The following KANK4 variants were observed in gnomAD, a reference collection of about 807,000 sequenced individuals.
KANK4 encodes KN motif and ankyrin repeat domain-containing protein 4.
A neutral mutation model predicts 80.8 loss-of-function variants in KANK4; 50 were observed. The ratio of observed to expected loss-of-function variants is 0.62; its 90% CI spans 0.49 to 0.78. The LOEUF (loss-of-function observed/expected upper bound fraction) is 0.78, where lower values mean the gene tolerates loss of function less well. Among genes scored for constraint, KANK4 ranks in the 30% least tolerant of loss-of-function variants. KANK4 has a pLI of 0.00. For missense variants in KANK4, 1,196 were observed against 1,240.1 expected (o/e 0.96, Z 0.53); for synonymous variants, 465 against 506.9 (o/e 0.92, Z 1.11).
chr1:62,262,707 T>C (rs952967919), intron 7 of KANK4, among the ~76,000 whole-genome samples: 16 of 152,190 alleles, frequency 1.1e-4, no homozygotes, highest in African/African-American at 3.6e-4. Context: ...ACAATGTCTT[T>C]TGCAGCAACT....
chr1:62,250,989 T>C (rs898937379), intron 8 of KANK4, among the ~76,000 whole-genome samples: 1 of 152,232 alleles, frequency 6.6e-6, no homozygotes, highest in Non-Finnish European at 1.5e-5. Flanking sequence ...AGTCTCTTGC[T>C]TTTTTGCACA....
At position 62,238,142 on chromosome 1, in the gene KANK4, T is replaced by A; in HGVS notation, c.*135A>T. ...AATGAGCAGAATTATACAACAGGAATGTATGTGCATATTTGACATAGTTTC... is the reference window on the plus strand; with the variant it reads ...AATGAGCAGAATTATACAACAGGAAAGTATGTGCATATTTGACATAGTTTC... On this transcript the variant is annotated 3_prime_UTR_variant, in exon 10 of 10. Transcript: ENST00000371153. The A allele has an allele frequency of 1.6e-6, 1 of 608,472 alleles. No homozygotes were observed. Among genetic ancestry groups the A allele is most frequent in the Non-Finnish European group, 2.9e-6 (1 of 340,020 alleles). The allele number at this position is 608,472 out of a possible 1,614,324, so 37.7% of individuals were successfully genotyped here. A position where few individuals can be genotyped will look rare whatever the true frequency, so the allele number is the denominator to read the frequency against.
chr1:62,281,307 G>T (rs1281604279), intron 2 of KANK4, among the ~76,000 whole-genome samples: 2 of 152,200 alleles, frequency 1.3e-5, no homozygotes, highest in South Asian at 2.1e-4. Context: ...GAGGATCAAA[G>T]ACATTAAATG....
chr1:62,269,413 C>T (rs956490785), intron 4 of KANK4, among the ~76,000 whole-genome samples: 2 of 152,164 alleles, frequency 1.3e-5, no homozygotes, highest in East Asian at 1.9e-4. Context: ...TCTACATAAG[C>T]CCCTGTGCTC....
chr1:62,243,763 T>C (rs1029658878), intron 9 of KANK4, among the ~76,000 whole-genome samples: 7 of 152,126 alleles, frequency 4.6e-5, no homozygotes, highest in African/African-American at 1.7e-4. Context: ...TCCCCAGACA[T>C]TGCCAAATCT....
At chr1:62,244,584 C>T (rs1037614602) in intron 9 of KANK4, among the ~76,000 whole-genome samples, 1 of 152,144 alleles carries the variant, frequency 6.6e-6, no homozygotes, top group Non-Finnish European at 1.5e-5. Context: ...TCTTTGCTTG[C>T]TGCTATCCAT....
chr1:62,275,931 G>C (rs1404418093), intron 2 of KANK4, among the ~76,000 whole-genome samples: 1 of 151,228 alleles, frequency 6.6e-6, no homozygotes, highest in Non-Finnish European at 1.5e-5. Flanking sequence ...GAAAGGAAAG[G>C]AAGGGAAGGA....
At chr1:62,249,072 G>T (rs551121195) in intron 8 of KANK4, among the ~76,000 whole-genome samples, 1 of 149,236 alleles carries the variant, frequency 6.7e-6, no homozygotes, top group Admixed American at 6.7e-5. Context: ...GGCTGAGGCA[G>T]GAGAATCACT....
intron 8 of KANK4, among the ~76,000 whole-genome samples, chr1:62,251,898 G>A (rs950674234): frequency 3.3e-5 from 5 of 151,758 alleles, no homozygotes; most frequent in Admixed American, 6.6e-5. Context: ...AGGCTGAGGC[G>A]GAAGAATCGC....
At chr1:62,265,343 C>T (rs1056968514) in intron 6 of KANK4, among the ~76,000 whole-genome samples, 3 of 151,878 alleles carry the variant, frequency 2.0e-5, no homozygotes, top group South Asian at 2.1e-4. Flanking sequence ...GGGGCTCAGG[C>T]GATTCTCCCA....
At chr1:62,278,677 G>A (rs1168880560) in intron 2 of KANK4, among the ~76,000 whole-genome samples, 1 of 151,978 alleles carries the variant, frequency 6.6e-6, no homozygotes. Flanking sequence ...TTACAGGCAT[G>A]AGCCACCACG....
chr1:62,264,637 T>C (rs890381766), intron 6 of KANK4, among the ~76,000 whole-genome samples: 1 of 152,118 alleles, frequency 6.6e-6, no homozygotes, highest in Non-Finnish European at 1.5e-5. Flanking sequence ...GATCCTAACA[T>C]GGGTGTGGTG....
intron 1 of KANK4, among the ~76,000 whole-genome samples, chr1:62,284,070 G>C (rs1013567988): frequency 6.6e-6 from 1 of 152,096 alleles, no homozygotes; most frequent in African/African-American, 2.4e-5. Context: ...CAGGAAGGAA[G>C]GAAGGAGGGA....
intron 1 of KANK4, among the ~76,000 whole-genome samples, chr1:62,293,276 G>A (rs1316075687): frequency 2.0e-5 from 3 of 151,120 alleles, no homozygotes; most frequent in Non-Finnish European, 4.4e-5. Flanking sequence ...TGTATTTTTA[G>A]TAGAGATGGG....
At chr1:62,278,943 G>A (rs746254553) in intron 2 of KANK4, among the ~76,000 whole-genome samples, 20 of 152,084 alleles carry the variant, frequency 1.3e-4, no homozygotes, top group Non-Finnish European at 2.1e-4. Flanking sequence ...GACCTAGAAG[G>A]CAAAGAGCTC....
intron 1 of KANK4, among the ~76,000 whole-genome samples, chr1:62,315,452 T>C (rs1644531151): frequency 6.6e-6 from 1 of 152,122 alleles, no homozygotes; most frequent in Non-Finnish European, 1.5e-5. Flanking sequence ...AGGATAAGGG[T>C]GAGGCTTGAC....
At chr1:62,247,731 T>G (rs1671506697) in intron 8 of KANK4, 59 bp from the exon 9 acceptor site, 1 of 1,457,206 alleles carries the variant, frequency 6.9e-7, no homozygotes, top group African/African-American at 1.4e-5. Flanking sequence ...GGACCCCCTC[T>G]CCAGCCTGGG....
chr1:62,262,659 A>G (rs1019757771), intron 7 of KANK4, among the ~76,000 whole-genome samples: 1 of 152,238 alleles, frequency 6.6e-6, no homozygotes. Flanking sequence ...ACATACATAC[A>G]TTCCACGGAA....
intron 2 of KANK4, among the ~76,000 whole-genome samples, chr1:62,278,373 C>T (rs112728683): frequency 0.069 from 1,446 of 20,848 alleles, 47 homozygotes; most frequent in East Asian, 0.28. Context: ...TCCTTCCTTC[C>T]TTCCTTTCTT....
Sources: gnomAD v4.1 joint callset for allele counts (sites outside exome capture counted in the v4.1 genomes callset) on GRCh38, gnomAD v4.1.1 for gene constraint, MANE v1.5 for transcripts, NCBI Gene and HGNC (gene_info 2026-07-23, HGNC 2026-07-21) for gene names.